Variants in EPHA6 observed in about 807,000 individuals in gnomAD.
The protein encoded by EPHA6 is EPH receptor A6.
In EPHA6, 50 loss-of-function variants were observed where a neutral mutation model predicts 112.0. The observed-to-expected ratio is 0.45, with a 90% confidence interval of 0.36 to 0.56. The LOEUF (loss-of-function observed/expected upper bound fraction) is 0.56, where lower values mean the gene tolerates loss of function less well. EPHA6 is among the 20% of genes least tolerant of loss of function. EPHA6 has a pLI of 0.00. For missense variants in EPHA6, 1,280 were observed against 1,417.4 expected (o/e 0.90, Z 1.56); for synonymous variants, 529 against 490.7 (o/e 1.08, Z -1.03).
chr3:97,405,112 C>T, intron 5 of EPHA6, 38 bp from the exon 6 acceptor site: 1 of 1,550,192 alleles, frequency 6.5e-7, no homozygotes. Flanking sequence ...GAAAATGATT[C>T]CTGCCAATTA....
chr3:97,683,642 C>T (rs1044634521), intron 14 of EPHA6, among the ~76,000 whole-genome samples: 2 of 152,014 alleles, frequency 1.3e-5, no homozygotes, highest in Admixed American at 1.3e-4. Flanking sequence ...ATTTTAAATT[C>T]CCTGAAGCAT....
At chr3:97,640,543 A>G (rs1473541734) in intron 14 of EPHA6, among the ~76,000 whole-genome samples, 1 of 151,826 alleles carries the variant, frequency 6.6e-6, no homozygotes, top group African/African-American at 2.4e-5. Context: ...AGCCGAGGGG[A>G]GCGGATCACC....
In EPHA6 at chr3:97,755,628, A is replaced by C. The variant is rs1253852786; in HGVS notation, c.*6927A>C. On this transcript the variant is annotated 3_prime_UTR_variant, in exon 18 of 18. Coordinates refer to ENST00000389672, the MANE Select transcript of EPHA6 (RefSeq NM_001080448.3). ...CAAAATAATACATTATTATAGAAAA[A>C]ATTCCAAGGATATAAGAATCATTTT... Among the ~76,000 whole-genome samples the C allele has an allele frequency of 6.6e-6, 1 of 152,146 alleles. No homozygotes were observed. The highest frequency in any genetic ancestry group is 1.5e-5 in the Non-Finnish European group (1 of 67,982).
At chr3:97,400,211 T>C (rs1336661402) in intron 5 of EPHA6, among the ~76,000 whole-genome samples, 1 of 151,578 alleles carries the variant, frequency 6.6e-6, no homozygotes, top group Non-Finnish European at 1.5e-5. Context: ...AAACATATAT[T>C]GAGGAAAGGA....
chr3:97,161,170 C>A (rs1037408532), intron 3 of EPHA6, among the ~76,000 whole-genome samples: 1 of 152,124 alleles, frequency 6.6e-6, no homozygotes, highest in Non-Finnish European at 1.5e-5. Flanking sequence ...TTATGAGCAT[C>A]TCAAATTGCA....
chr3:97,570,022 C>T (rs1213646890), intron 11 of EPHA6: 2 of 151,828 alleles, frequency 1.3e-5, no homozygotes, highest in Admixed American at 6.6e-5. Flanking sequence ...CGTGTAGAAT[C>T]GACTCACACT....
At chr3:97,066,014 A>G (rs1191193234) in intron 3 of EPHA6, among the ~76,000 whole-genome samples, 2 of 152,078 alleles carry the variant, frequency 1.3e-5, no homozygotes, top group African/African-American at 4.8e-5. Context: ...ACTCCTTTTA[A>G]TATTAATAAT....
chr3:97,528,222 C>T lies in EPHA6; in HGVS notation c.2201-4136C>T, dbSNP rs1222715974. Among the ~76,000 whole-genome samples, 4 of 152,012 alleles carry T rather than the reference C, an allele frequency of 2.6e-5. No individual in the cohort carries two copies. The East Asian group carries it at 5.8e-4, about 22-fold the overall frequency. ...CATGGTCTCAAAGTAGCCTGAGGTT[C>T]GTATTATTTCCAATAGGGGAATAAA... On this transcript the variant is annotated intron_variant, in intron 10 of 17. Coordinates refer to ENST00000389672, the MANE Select transcript of EPHA6 (RefSeq NM_001080448.3).
At chr3:97,337,636 C>T (rs1034189545) in intron 5 of EPHA6, among the ~76,000 whole-genome samples, 3 of 152,106 alleles carry the variant, frequency 2.0e-5, no homozygotes, top group African/African-American at 7.2e-5. Flanking sequence ...ACCTTTCCCA[C>T]TTATGGTAGC....
At chr3:97,118,287 CT>C (rs879291771) in intron 3 of EPHA6, among the ~76,000 whole-genome samples, 92 of 148,524 alleles carry the variant, frequency 6.2e-4, no homozygotes, top group African/African-American at 1.3e-3. Flanking sequence ...TATTATTTGT[CT>C]TTTTTTTTTC....
chr3:96,875,465 C>G (rs1370852726), intron 2 of EPHA6, among the ~76,000 whole-genome samples: 2 of 152,012 alleles, frequency 1.3e-5, no homozygotes, highest in Non-Finnish European at 2.9e-5. Flanking sequence ...TGTATTGCTG[C>G]CTCATTTTTC....
chr3:96,921,683 T>G (rs1468339380), intron 2 of EPHA6, among the ~76,000 whole-genome samples: 1 of 151,948 alleles, frequency 6.6e-6, no homozygotes, highest in Non-Finnish European at 1.5e-5. Context: ...TCCTCCTGCC[T>G]CAGCCTCCCA....
chr3:96,952,080 CT>C (rs2107723288), intron 2 of EPHA6, among the ~76,000 whole-genome samples: 1 of 152,206 alleles, frequency 6.6e-6, no homozygotes, highest in African/African-American at 2.4e-5. Flanking sequence ...ATCACTCAGC[CT>C]GGGTACTTGT....
At chr3:97,450,036 CTAAT>C (rs2090472513) in intron 7 of EPHA6, among the ~76,000 whole-genome samples, 1 of 152,024 alleles carries the variant, frequency 6.6e-6, no homozygotes, top group Non-Finnish European at 1.5e-5. Flanking sequence ...AATGAGTAAA[CTAAT>C]TAATAAAAAG....
At position 97,706,477 on chromosome 3, in the gene EPHA6, G is replaced by C. The variant is rs545072900; in HGVS notation, c.2785-13784G>C. Among the ~76,000 whole-genome samples the C allele has an allele frequency of 2.0e-5, 3 of 152,316 alleles. No individual in the cohort carries two copies. In the East Asian group the frequency reaches 5.8e-4, roughly 29 times the overall value. On this transcript the variant is annotated intron_variant, in intron 14 of 17. Coordinates refer to ENST00000389672, the MANE Select transcript of EPHA6 (RefSeq NM_001080448.3). ...TGAAATCTCACTGCCTGCTATTCCA[G>C]TTGTCTAACCAAGTCTTCGCTGTCA...
chr3:97,217,473 C>T (rs1266420088), intron 3 of EPHA6, among the ~76,000 whole-genome samples: 1 of 152,026 alleles, frequency 6.6e-6, no homozygotes, highest in East Asian at 1.9e-4. Context: ...GATCTAAATA[C>T]CCCAATTAAA....
At chr3:96,957,053 G>T (rs1182110088) in intron 2 of EPHA6, among the ~76,000 whole-genome samples, 3 of 150,418 alleles carry the variant, frequency 2.0e-5, no homozygotes, top group Admixed American at 2.0e-4. Flanking sequence ...AAAAAAATCT[G>T]AACCACAGTG....
intron 5 of EPHA6, among the ~76,000 whole-genome samples, chr3:97,348,383 T>TTAA (rs1203412633): frequency 6.6e-6 from 1 of 152,074 alleles, no homozygotes; most frequent in African/African-American, 2.4e-5. Context: ...CGCATACATA[T>TTAA]TAAAACTTGG....
chr3:97,480,338 G>T (rs1319346137), intron 9 of EPHA6, among the ~76,000 whole-genome samples: 1 of 152,032 alleles, frequency 6.6e-6, no homozygotes, highest in East Asian at 1.9e-4. Context: ...ATAAACATGT[G>T]AACAAGGGTT....
Sources: allele counts gnomAD v4.1 joint callset (sites outside exome capture counted in the v4.1 genomes callset), GRCh38; gene constraint gnomAD v4.1.1; transcripts MANE v1.5; gene names NCBI Gene and HGNC (gene_info 2026-07-23, HGNC 2026-07-21).